Variants in VPS53 observed in about 807,000 individuals in gnomAD.
VPS53 encodes the protein VPS53 subunit of GARP complex, also known as vacuolar protein sorting-associated protein 53 homolog.
VPS53 carries 70 observed loss-of-function variants against 107.0 expected under a neutral mutation model. The observed-to-expected ratio is 0.65, with a 90% confidence interval of 0.54 to 0.80. The LOEUF (loss-of-function observed/expected upper bound fraction) is 0.80. VPS53 is among the 30% of genes least tolerant of loss of function. The pLI is 0.00. For missense variants in VPS53, 917 were observed against 1,049.4 expected (o/e 0.87, Z 1.74); for synonymous variants, 409 against 393.3 (o/e 1.04, Z -0.47).
chr17:596,684 G>A (rs974326064), intron 12 of VPS53, among the ~76,000 whole-genome samples: 1 of 152,200 alleles, frequency 6.6e-6, no homozygotes, highest in African/African-American at 2.4e-5. Context: ...CTATGGCTAC[G>A]TTATGAACGT....
intron 19 of VPS53, 91 bp downstream of exon 19, chr17:532,751 A>T: frequency 6.5e-7 from 1 of 1,548,268 alleles, no homozygotes. Context: ...CATCAATTTT[A>T]TTCCTGCCAA....
intron 7 of VPS53, among the ~76,000 whole-genome samples, chr17:642,324 G>T (rs571991827): frequency 6.7e-6 from 1 of 150,360 alleles, no homozygotes; most frequent in South Asian, 2.1e-4. Flanking sequence ...TACTTGGAAA[G>T]CGAGGACAAC....
chr17:654,994 T>G (rs1294021218), intron 6 of VPS53, among the ~76,000 whole-genome samples: 2 of 152,072 alleles, frequency 1.3e-5, no homozygotes, highest in East Asian at 3.9e-4. Flanking sequence ...ATCCAATACC[T>G]AGAGAGGTCA....
At chr17:552,721 C>T (rs922493164) in intron 16 of VPS53, 3 of 184,272 alleles carry the variant, frequency 1.6e-5, no homozygotes, top group African/African-American at 7.0e-5. Context: ...ACAATGAAGA[C>T]CCCATAAGCT....
At chr17:602,596 G>C (rs1968379163) in intron 11 of VPS53, among the ~76,000 whole-genome samples, 1 of 152,192 alleles carries the variant, frequency 6.6e-6, no homozygotes, top group Admixed American at 6.5e-5. Context: ...AAGGCTGCAG[G>C]CAGGAGGCAT....
At position 668,886 on chromosome 17, in the gene VPS53, G is replaced by T. The variant is rs532316311; in HGVS notation, c.286-6991C>A. Among the ~76,000 whole-genome samples, 4 of 152,210 alleles carry T rather than the reference G, an allele frequency of 2.6e-5. No individual in the cohort carries two copies. The South Asian group carries it at 8.3e-4, about 32-fold the overall frequency. ...CCTACCAGAACTGTCTCTGCTGAAG[G>T]TATCGCTTTTTTCTTCCAGCAAACA... On this transcript the variant is annotated intron_variant, in intron 4 of 21. Coordinates refer to ENST00000437048, the MANE Select transcript of VPS53 (RefSeq NM_001128159.3).
chr17:567,281 G>A (rs751954069), intron 13 of VPS53, among the ~76,000 whole-genome samples: 1 of 152,094 alleles, frequency 6.6e-6, no homozygotes, highest in Non-Finnish European at 1.5e-5. Flanking sequence ...ATGTCTACTC[G>A]GTTACTTCTG....
chr17:698,614 G>A (rs1440331405), intron 3 of VPS53, among the ~76,000 whole-genome samples: 1 of 151,100 alleles, frequency 6.6e-6, no homozygotes, highest in African/African-American at 2.4e-5. Flanking sequence ...GAGGTGGGAG[G>A]ATCACTTGAG....
intron 19 of VPS53, among the ~76,000 whole-genome samples, chr17:530,471 A>G (rs543836354): frequency 6.6e-6 from 1 of 152,188 alleles, no homozygotes; most frequent in South Asian, 2.1e-4. Flanking sequence ...TTATATTCTA[A>G]CAGTTTATCT....
At chr17:570,467 G>A (rs1275687536) in intron 13 of VPS53, among the ~76,000 whole-genome samples, 3 of 151,050 alleles carry the variant, frequency 2.0e-5, no homozygotes, top group Non-Finnish European at 4.4e-5. Flanking sequence ...AGGAACACAG[G>A]ACCACTTCTG....
chr17:650,197 GGAA>G (rs1970882862), intron 7 of VPS53, among the ~76,000 whole-genome samples: 1 of 152,156 alleles, frequency 6.6e-6, no homozygotes, highest in Non-Finnish European at 1.5e-5. Context: ...AGTGTTTAGA[GGAA>G]GAAGACAACT....
At chr17:533,489 T>C (rs1909765122) in intron 18 of VPS53, among the ~76,000 whole-genome samples, 1 of 152,184 alleles carries the variant, frequency 6.6e-6, no homozygotes, top group African/African-American at 2.4e-5. Context: ...CTGAGCCACT[T>C]GCAGATCCCA....
At chr17:684,361 C>A (rs1972508575) in intron 4 of VPS53, among the ~76,000 whole-genome samples, 1 of 152,058 alleles carries the variant, frequency 6.6e-6, no homozygotes, top group Admixed American at 6.6e-5. Context: ...AGCAAAGCTG[C>A]ACAATATAAG....
At chr17:678,530 G>A (rs937138210) in intron 4 of VPS53, among the ~76,000 whole-genome samples, 16 of 151,388 alleles carry the variant, frequency 1.1e-4, no homozygotes, top group South Asian at 2.1e-4. Context: ...GCAGTGGCAC[G>A]ATCTCGGCTC....
chr17:529,935 G>T (rs1909404982), intron 19 of VPS53, among the ~76,000 whole-genome samples: 1 of 151,094 alleles, frequency 6.6e-6, no homozygotes, highest in Admixed American at 6.6e-5. Context: ...TACTTGAGAA[G>T]TTGAGGCAGG....
intron 17 of VPS53, among the ~76,000 whole-genome samples, chr17:547,614 T>C (rs1045641913): frequency 7.9e-5 from 12 of 152,170 alleles, no homozygotes; most frequent in Middle Eastern, 3.2e-3. Context: ...ATTGTGGATA[T>C]ACTAAAAACA....
intron 4 of VPS53, among the ~76,000 whole-genome samples, chr17:670,481 C>T (rs570201739): frequency 1.6e-3 from 237 of 152,308 alleles, no homozygotes; most frequent in Non-Finnish European, 2.1e-3. Context: ...CAGGAGGTCA[C>T]GTGTGGAAGA....
At chr17:684,500 G>C (rs1284967954) in intron 4 of VPS53, among the ~76,000 whole-genome samples, 2 of 152,224 alleles carry the variant, frequency 1.3e-5, no homozygotes, top group African/African-American at 4.8e-5. Flanking sequence ...AGCAAACTAT[G>C]AGCAAGATCT....
At chr17:628,253 A>C in intron 8 of VPS53, 22 bp from the exon 9 acceptor site, 1 of 1,611,092 alleles carries the variant, frequency 6.2e-7, no homozygotes, top group Non-Finnish European at 8.5e-7. Flanking sequence ...AACATGTACC[A>C]GGTGAAAAGC....
Sources: allele counts gnomAD v4.1 joint callset (sites outside exome capture counted in the v4.1 genomes callset), GRCh38; gene constraint gnomAD v4.1.1; transcripts MANE v1.5; gene names NCBI Gene and HGNC (gene_info 2026-07-23, HGNC 2026-07-21).